The following L3MBTL4 variants were observed in gnomAD, a reference collection of about 807,000 sequenced individuals.
The protein encoded by L3MBTL4 is lethal(3)malignant brain tumor-like protein 4.
L3MBTL4 carries 70 observed loss-of-function variants against 84.5 expected under a neutral mutation model. The observed-to-expected ratio is 0.83, with a 90% CI of 0.68 to 1.01. The LOEUF is 1.01. Among genes scored for constraint, L3MBTL4 ranks in the 50% least tolerant of loss-of-function variants. L3MBTL4 has a pLI of 0.00. For missense variants in L3MBTL4, 715 were observed against 754.8 expected (o/e 0.95, Z 0.62); for synonymous variants, 274 against 259.8 (o/e 1.05, Z -0.52).
intron 16 of L3MBTL4, among the ~76,000 whole-genome samples, chr18:5,990,234 A>C (rs944039461): frequency 1.3e-5 from 2 of 152,212 alleles, no homozygotes; most frequent in African/African-American, 4.8e-5. Flanking sequence ...TCGATTTTCC[A>C]TACTTGCCAC....
chr18:6,322,176 G>A (rs1293154523), intron 1 of L3MBTL4, among the ~76,000 whole-genome samples: 2 of 151,896 alleles, frequency 1.3e-5, no homozygotes, highest in Non-Finnish European at 2.9e-5. Flanking sequence ...GGGCAACACA[G>A]TGAAACCTCA....
intron 15 of L3MBTL4, among the ~76,000 whole-genome samples, chr18:6,087,121 C>T (rs2058284513): frequency 6.6e-6 from 1 of 152,182 alleles, no homozygotes; most frequent in Non-Finnish European, 1.5e-5. Flanking sequence ...GAGTTTGGAA[C>T]AGTATTTTCT....
chr18:6,162,556 GAC>G (rs2043394598), intron 13 of L3MBTL4, among the ~76,000 whole-genome samples: 1 of 152,136 alleles, frequency 6.6e-6, no homozygotes, highest in African/African-American at 2.4e-5. Flanking sequence ...AAAGATACTG[GAC>G]ATTATAGTGA....
intron 12 of L3MBTL4, among the ~76,000 whole-genome samples, chr18:6,178,173 T>C (rs2044309286): frequency 6.6e-6 from 1 of 152,176 alleles, no homozygotes; most frequent in South Asian, 2.1e-4. Flanking sequence ...CATTTTCCTC[T>C]TATGTTCATT....
At chr18:6,315,739 C>T (rs949002386) in intron 1 of L3MBTL4, among the ~76,000 whole-genome samples, 7 of 152,212 alleles carry the variant, frequency 4.6e-5, no homozygotes, top group Admixed American at 2.6e-4. Flanking sequence ...GAAACTGACA[C>T]CAAACGTCCT....
chr18:6,285,359 G>A (rs1441848737), intron 4 of L3MBTL4, among the ~76,000 whole-genome samples: 3 of 152,142 alleles, frequency 2.0e-5, no homozygotes, highest in Admixed American at 2.0e-4. Flanking sequence ...ATACAAAGAG[G>A]GAGAACTGTT....
At chr18:6,156,666 G>A (rs1460376505) in intron 13 of L3MBTL4, among the ~76,000 whole-genome samples, 1 of 152,198 alleles carries the variant, frequency 6.6e-6, no homozygotes, top group African/African-American at 2.4e-5. Flanking sequence ...AGCCAGATAT[G>A]AGTCATAAAT....
intron 16 of L3MBTL4, among the ~76,000 whole-genome samples, chr18:6,042,869 T>A (rs112556822): frequency 0.016 from 2,499 of 152,292 alleles, 74 homozygotes; most frequent in African/African-American, 0.057. Flanking sequence ...TTCTGACCCA[T>A]ATCCTTGCTA....
intron 16 of L3MBTL4, among the ~76,000 whole-genome samples, chr18:6,028,122 C>T (rs2055597448): frequency 6.6e-6 from 1 of 152,142 alleles, no homozygotes; most frequent in South Asian, 2.1e-4. Context: ...ATGTATATGT[C>T]GTGAATGGTA....
chr18:6,045,706 T>G (rs58571616), intron 16 of L3MBTL4, among the ~76,000 whole-genome samples: 170 of 152,288 alleles, frequency 1.1e-3, no homozygotes, highest in African/African-American at 3.9e-3. Context: ...AGATGAGATT[T>G]GGGTAAGGAC....
At chr18:6,224,147 A>G (rs769545745) in intron 10 of L3MBTL4, among the ~76,000 whole-genome samples, 6 of 152,246 alleles carry the variant, frequency 3.9e-5, no homozygotes, top group Non-Finnish European at 7.3e-5. Flanking sequence ...TGAAGACATA[A>G]AGCCCCAAGG....
At chr18:6,240,216 C>T (rs1013285554) in intron 8 of L3MBTL4, among the ~76,000 whole-genome samples, 4 of 151,940 alleles carry the variant, frequency 2.6e-5, no homozygotes, top group Admixed American at 1.3e-4. Context: ...TATCAAATAA[C>T]CTTCTCTGCT....
chr18:6,103,963 G>C (rs1432746178), intron 14 of L3MBTL4, among the ~76,000 whole-genome samples: 5 of 152,176 alleles, frequency 3.3e-5, no homozygotes, highest in African/African-American at 1.2e-4. Context: ...CAGAGGTCCT[G>C]CTGCCCTCCC....
At chr18:6,324,311 A>T (rs1001822344) in intron 1 of L3MBTL4, among the ~76,000 whole-genome samples, 1 of 152,192 alleles carries the variant, frequency 6.6e-6, no homozygotes, top group Non-Finnish European at 1.5e-5. Context: ...TACTCACTGG[A>T]ACACTGACTA....
chr18:6,309,801 G>A (rs1270681921), intron 3 of L3MBTL4, among the ~76,000 whole-genome samples: 2 of 152,230 alleles, frequency 1.3e-5, no homozygotes, highest in African/African-American at 4.8e-5. Flanking sequence ...GCAGCTTAAA[G>A]AGAAATGATA....
intron 1 of L3MBTL4, among the ~76,000 whole-genome samples, chr18:6,401,351 T>C (rs1357501827): frequency 6.6e-6 from 1 of 152,172 alleles, no homozygotes; most frequent in Non-Finnish European, 1.5e-5. Context: ...ACTCTGAATT[T>C]TGACTAGATG....
chr18:5,983,908 T>C (rs1425877964), intron 16 of L3MBTL4, among the ~76,000 whole-genome samples: 1 of 152,160 alleles, frequency 6.6e-6, no homozygotes, highest in Non-Finnish European at 1.5e-5. Context: ...AATGGCAAGA[T>C]CATCTGAATT....
rs542834666 is a variant in L3MBTL4, at chr18:6,073,912, T to C, written c.1444+6969A>G. On this transcript the variant is annotated intron_variant, in intron 16 of 18. Transcript: ENST00000317931. ...TTCTGAGGAGTGTTTGCTTTCTTTT[T>C]GTCATATAGCTGTGAATGAAGACAG... is the stretch of plus-strand genomic sequence containing the variant. Among the ~76,000 whole-genome samples the C allele has an allele frequency of 2.0e-5, 3 of 152,342 alleles. No individual in the cohort carries two copies. In the South Asian group the frequency reaches 6.2e-4, roughly 32 times the overall value.
chr18:6,362,881 G>A (rs2053768234), intron 1 of L3MBTL4, among the ~76,000 whole-genome samples: 1 of 152,234 alleles, frequency 6.6e-6, no homozygotes, highest in South Asian at 2.1e-4. Context: ...GTTTTTCGGA[G>A]AGAAGGCTGG....
Sources: gnomAD v4.1 joint callset for allele counts (sites outside exome capture counted in the v4.1 genomes callset) on GRCh38, gnomAD v4.1.1 for gene constraint, MANE v1.5 for transcripts, NCBI Gene and HGNC (gene_info 2026-07-23, HGNC 2026-07-21) for gene names.